The following MALRD1 variants were observed in gnomAD, a reference collection of about 807,000 sequenced individuals.
MALRD1 encodes MAM and LDL receptor class A domain containing 1, also known as MAM and LDL-receptor class A domain-containing protein 1.
MALRD1 carries 247 observed loss-of-function variants against 242.1 expected under a neutral mutation model. The ratio of observed to expected loss-of-function variants is 1.02; its 90% CI spans 0.92 to 1.13. MALRD1 has a LOEUF of 1.13. Among genes scored for constraint, MALRD1 ranks in the 50% most tolerant of loss-of-function variants. The pLI, the probability that MALRD1 is intolerant of heterozygous loss-of-function variation, is 0.00. For synonymous variants in MALRD1, 995 were observed against 866.6 expected (o/e 1.15, Z -2.60); for missense variants, 2,989 against 2,533.1 (o/e 1.18, Z -3.86).
intron 28 of MALRD1, among the ~76,000 whole-genome samples, chr10:19,400,266 G>A (rs1029225589): frequency 2.0e-5 from 3 of 152,086 alleles, no homozygotes; most frequent in Non-Finnish European, 4.4e-5. Context: ...TTCTGAAGTC[G>A]TCCTTTTCCT....
At chr10:19,539,341 A>G (rs1418800738) in intron 32 of MALRD1, among the ~76,000 whole-genome samples, 1 of 152,120 alleles carries the variant, frequency 6.6e-6, no homozygotes, top group African/African-American at 2.4e-5. Flanking sequence ...CCTTATAACT[A>G]CTATGCTTTT....
chr10:19,235,755 G>T (rs1056739731), intron 18 of MALRD1, among the ~76,000 whole-genome samples: 2 of 151,980 alleles, frequency 1.3e-5, no homozygotes, highest in African/African-American at 4.8e-5. Flanking sequence ...GGAGAAACAG[G>T]GATCATTCAG....
chr10:19,149,216 AG>A (rs1833848790), intron 11 of MALRD1, among the ~76,000 whole-genome samples: 2 of 152,110 alleles, frequency 1.3e-5, no homozygotes, highest in East Asian at 1.9e-4. Flanking sequence ...CCCAGGTTCA[AG>A]CAATTCTCCT....
intron 33 of MALRD1, among the ~76,000 whole-genome samples, chr10:19,569,374 GA>G (rs1265021272): frequency 1.3e-5 from 2 of 151,700 alleles, no homozygotes; most frequent in Non-Finnish European, 2.9e-5. Context: ...CCTTTGAATA[GA>G]ATAAAGCCAT....
intron 24 of MALRD1, among the ~76,000 whole-genome samples, chr10:19,334,581 A>G (rs1282055594): frequency 6.6e-6 from 1 of 152,092 alleles, no homozygotes; most frequent in African/African-American, 2.4e-5. Context: ...CTTATTCTTT[A>G]CAGTTATAGA....
intron 30 of MALRD1, among the ~76,000 whole-genome samples, chr10:19,493,625 T>G (rs1185456266): frequency 6.9e-6 from 1 of 144,188 alleles, no homozygotes; most frequent in East Asian, 2.0e-4. Flanking sequence ...CTGGCCAACA[T>G]GGTGAAACCC....
At chr10:19,318,800 T>G (rs1268602251) in intron 21 of MALRD1, among the ~76,000 whole-genome samples, 1 of 152,076 alleles carries the variant, frequency 6.6e-6, no homozygotes, top group Non-Finnish European at 1.5e-5. Flanking sequence ...AATTTTAAAT[T>G]CACTTGGTTA....
At chr10:19,548,262 G>T (rs1835330752) in intron 32 of MALRD1, among the ~76,000 whole-genome samples, 1 of 151,866 alleles carries the variant, frequency 6.6e-6, no homozygotes, top group Non-Finnish European at 1.5e-5. Context: ...GCCGCCCAAA[G>T]TTCTGGGATT....
chr10:19,606,693 G>T (rs1238744762), intron 34 of MALRD1, among the ~76,000 whole-genome samples: 3 of 151,958 alleles, frequency 2.0e-5, no homozygotes, highest in African/African-American at 7.3e-5. Flanking sequence ...ATCACCACTG[G>T]CACAGACCAG....
intron 36 of MALRD1, among the ~76,000 whole-genome samples, chr10:19,684,780 T>G (rs1456558997): frequency 6.6e-6 from 1 of 151,930 alleles, no homozygotes; most frequent in Non-Finnish European, 1.5e-5. Flanking sequence ...AAATATAACC[T>G]GCTAAAAAGA....
intron 31 of MALRD1, among the ~76,000 whole-genome samples, chr10:19,508,862 A>G (rs1833268477): frequency 6.6e-6 from 1 of 152,220 alleles, no homozygotes; most frequent in South Asian, 2.1e-4. Context: ...TACCAAGTGA[A>G]TAAAACACTG....
rs1002958909 is a variant in MALRD1, at chr10:19,260,487, C to G, written c.3079+2716C>G. Among the ~76,000 whole-genome samples the G allele has an allele frequency of 2.6e-5, 4 of 152,104 alleles. No homozygotes were observed. In the South Asian group the frequency reaches 6.2e-4, roughly 24 times the overall value. On this transcript the variant is annotated intron_variant, in intron 19 of 39. Transcript: ENST00000454679. ...GGACATGGTATACATCTTACTGTGT[C>G]TGTTCATGTTCATTAGCCATTGATC...
intron 26 of MALRD1, among the ~76,000 whole-genome samples, chr10:19,373,982 T>C (rs1845495039): frequency 6.6e-6 from 1 of 152,222 alleles, no homozygotes; most frequent in Admixed American, 6.5e-5. Flanking sequence ...TACAGTTCTT[T>C]ACTGCTCTCT....
At position 19,663,231 on chromosome 10, in the gene MALRD1, G is replaced by A. The variant is rs1429016376; in HGVS notation, c.6138-29051G>A. Among the ~76,000 whole-genome samples, 5 of 152,130 alleles carry A rather than the reference G, an allele frequency of 3.3e-5. No individual in the cohort carries two copies. The South Asian group carries it at 6.2e-4, about 19-fold the overall frequency. ...CTATTATTCCAGTCTCTATGCCCAT[G>A]TGTACAAATTATTTAGCTCCCACTT... On this transcript the variant is annotated intron_variant, in intron 36 of 39. Transcript: ENST00000454679.
intron 36 of MALRD1, among the ~76,000 whole-genome samples, chr10:19,630,655 G>C (rs1016809721): frequency 2.0e-5 from 3 of 152,048 alleles, no homozygotes; most frequent in Non-Finnish European, 2.9e-5. Flanking sequence ...CCATAGCAAT[G>C]TAAGTTATGA....
chr10:19,580,727 T>C (rs1837077345), intron 33 of MALRD1, among the ~76,000 whole-genome samples: 1 of 152,190 alleles, frequency 6.6e-6, no homozygotes, highest in South Asian at 2.1e-4. Context: ...TAGTTATCAT[T>C]TTGTGCTTGG....
rs397828429 is a variant in MALRD1, at chr10:19,335,192, G to GTT, written c.3901+3624_3901+3625dup. The stretch of plus-strand genomic sequence containing the variant: ...AAAACCTCTTGTTCTGTTTTTTTTT[G>GTT]TTTTTTTTTTTTTTTAGATTTGAGT... On this transcript the variant is annotated intron_variant, in intron 24 of 39. Coordinates refer to ENST00000454679, the MANE Select transcript of MALRD1 (RefSeq NM_001142308.3). Among the ~76,000 whole-genome samples, 444 of 137,322 alleles carry GTT rather than the reference G, an allele frequency of 3.2e-3. 3 individuals carry two copies. In the East Asian group the frequency reaches 0.032, roughly 10 times the overall value. 90.1% of individuals were successfully genotyped at this position (137,322 alleles called of 152,430 possible).
At chr10:19,564,195 A>G (rs534620235) in intron 32 of MALRD1, among the ~76,000 whole-genome samples, 1 of 152,294 alleles carries the variant, frequency 6.6e-6, no homozygotes, top group South Asian at 2.1e-4. Flanking sequence ...CATATTTTGT[A>G]TTACCTCTTC....
rs1415670678 is a variant in MALRD1, at chr10:19,101,254, A to ATG, written c.598-2724_598-2723insGT. Among the ~76,000 whole-genome samples, 402 of 146,556 alleles carry ATG rather than the reference A, an allele frequency of 2.7e-3. 1 individual carries two copies. The highest frequency in any genetic ancestry group is 9.5e-3 in the African/African-American group (384 of 40,238). On this transcript the variant is annotated intron_variant, in intron 4 of 39. Transcript: ENST00000454679. ...AAATAGTTTGATTTGAAATACATAT[A>ATG]TATATATTCAAAATATATATAATAT...
Sources: allele counts gnomAD v4.1 joint callset (sites outside exome capture counted in the v4.1 genomes callset), GRCh38; gene constraint gnomAD v4.1.1; transcripts MANE v1.5; gene names NCBI Gene and HGNC (gene_info 2026-07-23, HGNC 2026-07-21).